The following AGAP1 variants were observed in gnomAD, a reference collection of about 807,000 sequenced individuals.
AGAP1 encodes the protein ArfGAP with GTPase domain, ankyrin repeat and PH domain 1.
Under a neutral mutation model 105.3 loss-of-function variants are expected in AGAP1, and 29 were observed. That is an observed-to-expected ratio of 0.28 (90% CI 0.21 to 0.38). The LOEUF is 0.38. AGAP1 is among the 10% of genes least tolerant of loss of function. The probability of loss-of-function intolerance (pLI) is 1.00; values close to 1 mark genes in which losing one functional copy is unlikely to be tolerated. For missense variants in AGAP1, 998 were observed against 1,165.1 expected (o/e 0.86, Z 2.09); for synonymous variants, 509 against 485.9 (o/e 1.05, Z -0.63).
rs1488881703 is a variant in AGAP1, at chr2:236,055,301, T to A, written c.2114+6020T>A. Among the ~76,000 whole-genome samples, 1 of 152,228 alleles carries A rather than the reference T, an allele frequency of 6.6e-6. No homozygotes were observed. Among genetic ancestry groups the A allele is most frequent in the Non-Finnish European group, 1.5e-5 (1 of 68,038 alleles). On this transcript the variant is annotated intron_variant, in intron 16 of 17. Transcript: ENST00000304032. The surrounding 1 kb of genome is among the most constrained non-coding windows in gnomAD (Gnocchi z 6.2). ...TCTTCGCCGTGCAGACCCCCCTACA[T>A]GTACACACATGCACACTTTTGTGTG...
chr2:235,876,836 G>A (rs544922567), intron 9 of AGAP1, among the ~76,000 whole-genome samples: 81 of 149,244 alleles, frequency 5.4e-4, no homozygotes, highest in African/African-American at 1.8e-3. Context: ...ACATTTGAGT[G>A]GTGTGGAACC....
chr2:235,756,635 A>T (rs921025318), intron 6 of AGAP1, among the ~76,000 whole-genome samples: 2 of 152,116 alleles, frequency 1.3e-5, no homozygotes, highest in Non-Finnish European at 2.9e-5. Context: ...CATGTTTTGT[A>T]TACAGCAGGG....
chr2:236,124,151 A>G lies in AGAP1; in HGVS notation c.*29A>G. 2 of 1,606,670 alleles carry G rather than the reference A, an allele frequency of 1.2e-6. No individual in the cohort carries two copies. The highest frequency in any genetic ancestry group is 1.7e-6 in the Non-Finnish European group (2 of 1,174,454). On this transcript the variant is annotated 3_prime_UTR_variant, in exon 18 of 18. Transcript: ENST00000304032. This position sits in a 1 kb window ranked among gnomAD's most constrained non-coding sequence, Gnocchi z 5.1. ...ACAGCCGTGCCCGCCTGCTCGCCGCACCTGGGACGCGGCAGCCTCGCCGCA... is the reference window on the plus strand; with the variant it reads ...ACAGCCGTGCCCGCCTGCTCGCCGCGCCTGGGACGCGGCAGCCTCGCCGCA...
rs575366821 is a variant in AGAP1 at position 235,874,550 on chromosome 2, T to A, written c.1051-8795T>A. The stretch of plus-strand genomic sequence containing the variant: ...AACCGAAGTGCACTTTGCAGGGAGC[T>A]AAGAGGCTCGGCTGCTAACAGCAGA... On this transcript the variant is annotated intron_variant, in intron 9 of 17. Transcript: ENST00000304032. This position sits in a 1 kb window ranked among gnomAD's most constrained non-coding sequence, Gnocchi z 4.5. Among the ~76,000 whole-genome samples the A allele has an allele frequency of 6.6e-6, 1 of 152,160 alleles. No homozygotes were observed. Among genetic ancestry groups the A allele is most frequent in the Non-Finnish European group, 1.5e-5 (1 of 68,028 alleles).
rs1437463604 is a variant in AGAP1, at chr2:236,095,618, T to C, written c.2115-24574T>C. On this transcript the variant is annotated intron_variant, in intron 16 of 17. Coordinates refer to ENST00000304032, the MANE Select transcript of AGAP1 (RefSeq NM_001037131.3). This position sits in a 1 kb window ranked among gnomAD's most constrained non-coding sequence, Gnocchi z 4.1. Reference sequence around the variant, plus strand: ...ATTCTCATGTTGGTAGATATTGACATAGGCAGTGCTTACAGTGTTGTGGTA... The same window carrying C: ...ATTCTCATGTTGGTAGATATTGACACAGGCAGTGCTTACAGTGTTGTGGTA... 1.3e-5 allele frequency among the ~76,000 whole-genome samples: 2 copies of C among 152,234 alleles called. No homozygotes were observed. Among genetic ancestry groups the C allele is most frequent in the African/African-American group, 4.8e-5 (2 of 41,476 alleles).
Position 235,576,230 on chromosome 2 carries a change from C to T in AGAP1, c.163+81381C>T, listed in dbSNP as rs564916047. The stretch of plus-strand genomic sequence containing the variant: ...GCAAAGGTAGGATAGGGGCTTTGGT[C>T]GCCTCTGTGCTATGAGTCTTTGTCC... On this transcript the variant is annotated intron_variant, in intron 1 of 17. Coordinates refer to ENST00000304032, the MANE Select transcript of AGAP1 (RefSeq NM_001037131.3). 6.6e-5 allele frequency among the ~76,000 whole-genome samples: 10 copies of T among 152,258 alleles called. No homozygotes were observed. In the South Asian group the frequency reaches 8.3e-4, roughly 13 times the overall value.
intron 9 of AGAP1, among the ~76,000 whole-genome samples, chr2:235,848,031 C>T (rs1961712142): frequency 1.3e-5 from 2 of 152,214 alleles, no homozygotes; most frequent in Admixed American, 1.3e-4. Context: ...TCACAGCCTC[C>T]TGAGTGATAC....
chr2:235,536,142 TACACACACACACAC>T (rs58090095), intron 1 of AGAP1, among the ~76,000 whole-genome samples: 3 of 16,392 alleles, frequency 1.8e-4, no homozygotes, highest in Admixed American at 9.6e-4. Flanking sequence ...TGTGGCATCC[TACACACACACACAC>T]ACACACACAC....
rs182049210 is a variant in AGAP1 at position 235,959,475 on chromosome 2, G to T, written c.1484-8987G>T. ...AGAAGCCAGGGGCATTCATATTCCCGTGGCCGAGCTCAGCGCCCAGTGGAC... is the reference window on the plus strand; with the variant it reads ...AGAAGCCAGGGGCATTCATATTCCCTTGGCCGAGCTCAGCGCCCAGTGGAC... On this transcript the variant is annotated intron_variant, in intron 12 of 17. Coordinates refer to ENST00000304032, the MANE Select transcript of AGAP1 (RefSeq NM_001037131.3). This position sits in a 1 kb window ranked among gnomAD's most constrained non-coding sequence, Gnocchi z 7.3. 1.3e-5 allele frequency among the ~76,000 whole-genome samples: 2 copies of T among 152,072 alleles called. No homozygotes were observed. Among genetic ancestry groups the T allele is most frequent in the Non-Finnish European group, 2.9e-5 (2 of 68,022 alleles).
chr2:235,635,818 A>T lies in AGAP1; in HGVS notation c.164-73361A>T, dbSNP rs1247756227. ...ACAAATGTTTTCCTTTCCGTGCTTT[A>T]AAAGTCTCATCTTAGACCGGGCACA... is the stretch of plus-strand genomic sequence containing the variant. On this transcript the variant is annotated intron_variant, in intron 1 of 17. Transcript: ENST00000304032. The surrounding 1 kb of genome is among the most constrained non-coding windows in gnomAD (Gnocchi z 5.3). Among the ~76,000 whole-genome samples, 2 of 152,144 alleles carry T rather than the reference A, an allele frequency of 1.3e-5. No homozygotes were observed. Among genetic ancestry groups the T allele is most frequent in the African/African-American group, 4.8e-5 (2 of 41,434 alleles).
At chr2:235,782,538 G>A (rs1274814412) in intron 6 of AGAP1, among the ~76,000 whole-genome samples, 1 of 152,144 alleles carries the variant, frequency 6.6e-6, no homozygotes, top group African/African-American at 2.4e-5. Flanking sequence ...TAATGGTTTG[G>A]GTTATTAACT....
intron 9 of AGAP1, among the ~76,000 whole-genome samples, chr2:235,840,000 A>G (rs1210752585): frequency 1.3e-5 from 2 of 152,236 alleles, no homozygotes; most frequent in Non-Finnish European, 2.9e-5. Context: ...GAAATAATTT[A>G]TGAGGAAAAT....
chr2:235,768,007 G>T (rs368104603), intron 6 of AGAP1, among the ~76,000 whole-genome samples: 1 of 152,046 alleles, frequency 6.6e-6, no homozygotes, highest in South Asian at 2.1e-4. Context: ...GGCTGGTTTC[G>T]AACTCCTGGC....
In AGAP1 at chr2:236,123,430, A is replaced by G. The variant is rs900733622; in HGVS notation, c.2371-489A>G. Among the ~76,000 whole-genome samples, 1 of 152,228 alleles carries G rather than the reference A, an allele frequency of 6.6e-6. No homozygotes were observed. The highest frequency in any genetic ancestry group is 6.5e-5 in the Admixed American group (1 of 15,286). On this transcript the variant is annotated intron_variant, in intron 17 of 17. Transcript: ENST00000304032. The surrounding 1 kb of genome is among the most constrained non-coding windows in gnomAD (Gnocchi z 4.6). ...TGAAAAAAATACAAATTATTTGTACAGTCTTATCTCAATTATGTACATATA... is the reference window on the plus strand; with the variant it reads ...TGAAAAAAATACAAATTATTTGTACGGTCTTATCTCAATTATGTACATATA...
rs1012083331 is a variant in AGAP1, at chr2:235,989,711, G to A, written c.1645+21088G>A. Among the ~76,000 whole-genome samples the A allele has an allele frequency of 1.3e-5, 2 of 152,154 alleles. No individual in the cohort carries two copies. Among genetic ancestry groups the A allele is most frequent in the Admixed American group, 6.5e-5 (1 of 15,276 alleles). ...CATGAATCAAGGAGCCCAGGAGGACGGGGAATCCCTGGAGGAGGTGGGTCA... is the reference window on the plus strand; with the variant it reads ...CATGAATCAAGGAGCCCAGGAGGACAGGGAATCCCTGGAGGAGGTGGGTCA... On this transcript the variant is annotated intron_variant, in intron 13 of 17. Coordinates refer to ENST00000304032, the MANE Select transcript of AGAP1 (RefSeq NM_001037131.3). The surrounding 1 kb of genome is among the most constrained non-coding windows in gnomAD (Gnocchi z 4.4).
intron 1 of AGAP1, among the ~76,000 whole-genome samples, chr2:235,636,704 G>T (rs1366594203): frequency 1.3e-5 from 2 of 152,144 alleles, no homozygotes; most frequent in Non-Finnish European, 2.9e-5. Flanking sequence ...ATCACTTGTT[G>T]GGGGTTGAAG....
At chr2:236,017,523 C>A (rs1280984991) in intron 13 of AGAP1, among the ~76,000 whole-genome samples, 9 of 152,128 alleles carry the variant, frequency 5.9e-5, no homozygotes, top group Non-Finnish European at 1.0e-4. Context: ...AAGTGGTCCA[C>A]TTGAGTGATT....
intron 9 of AGAP1, among the ~76,000 whole-genome samples, chr2:235,825,579 G>A (rs1959019714): frequency 6.6e-6 from 1 of 152,152 alleles, no homozygotes; most frequent in South Asian, 2.1e-4. Context: ...GTAGATGGTA[G>A]TATTTTATTT....
chr2:235,854,643 A>G (rs918139073), intron 9 of AGAP1, among the ~76,000 whole-genome samples: 1 of 152,138 alleles, frequency 6.6e-6, no homozygotes, highest in Non-Finnish European at 1.5e-5. Context: ...TCCGCTTACC[A>G]GTGGTGGACT....
Sources: allele counts gnomAD v4.1 joint callset (sites outside exome capture counted in the v4.1 genomes callset), GRCh38; gene constraint gnomAD v4.1.1; non-coding constraint Gnocchi (gnomAD v3.1); transcripts MANE v1.5; gene names NCBI Gene and HGNC (gene_info 2026-07-23, HGNC 2026-07-21).